The following SPAG16 variants were observed in gnomAD, a reference collection of about 807,000 sequenced individuals.
SPAG16 encodes the protein sperm associated antigen 16, also known as sperm-associated antigen 16 protein.
A neutral mutation model predicts 80.4 loss-of-function variants in SPAG16; 86 were observed. The ratio of observed to expected loss-of-function variants is 1.07; its 90% confidence interval spans 0.90 to 1.28. The LOEUF is 1.28. Ranked by LOEUF, SPAG16 falls within the 50% of genes most tolerant of loss-of-function variation. The pLI is 0.00. For missense variants in SPAG16, 870 were observed against 765.3 expected (o/e 1.14, Z -1.61); for synonymous variants, 294 against 265.9 (o/e 1.11, Z -1.03).
chr2:213,408,180 A>G (rs980385757), intron 9 of SPAG16, among the ~76,000 whole-genome samples: 3 of 152,242 alleles, frequency 2.0e-5, no homozygotes, highest in African/African-American at 2.4e-5. Flanking sequence ...TTTAAAACCT[A>G]TAATTGATAA....
chr2:213,355,328 G>T (rs1386123710), intron 7 of SPAG16, among the ~76,000 whole-genome samples: 2 of 152,066 alleles, frequency 1.3e-5, no homozygotes. Context: ...TTTTGCTTAG[G>T]ATTGTCTTGG....
At chr2:213,317,818 A>C (rs779081919) in intron 5 of SPAG16, 49 of 777,274 alleles carry the variant, frequency 6.3e-5, no homozygotes, top group Non-Finnish European at 7.2e-5. Context: ...TAGGTTCGTC[A>C]GTTGTTAACA....
chr2:214,250,757 T>TAGAGAGAGAGAGAGAG (rs1171199832), intron 15 of SPAG16, among the ~76,000 whole-genome samples: 1 of 91,280 alleles, frequency 1.1e-5, no homozygotes, highest in African/African-American at 4.1e-5. Context: ...TATATATATA[T>TAGAGAGAGAGAGAGAG]AGAGAGAGAG....
intron 5 of SPAG16, among the ~76,000 whole-genome samples, chr2:213,319,724 A>G (rs991593751): frequency 2.6e-5 from 4 of 151,994 alleles, no homozygotes; most frequent in South Asian, 4.1e-4. Flanking sequence ...TCTTTATGCC[A>G]TAAGTTTAGC....
chr2:213,404,026 A>T (rs1254202530), intron 9 of SPAG16, among the ~76,000 whole-genome samples: 3 of 152,102 alleles, frequency 2.0e-5, no homozygotes, highest in African/African-American at 7.2e-5. Flanking sequence ...CTTCAAGGAG[A>T]ACTAAAAACC....
chr2:213,977,565 A>G (rs6735162), intron 12 of SPAG16, among the ~76,000 whole-genome samples: 38,505 of 151,740 alleles, frequency 0.25, 6,943 homozygotes, highest in African/African-American at 0.52. Context: ...CCAACTAGGC[A>G]AATATTGGCA....
chr2:214,201,116 A>T (rs2057996553), intron 15 of SPAG16, among the ~76,000 whole-genome samples: 1 of 152,192 alleles, frequency 6.6e-6, no homozygotes, highest in African/African-American at 2.4e-5. Flanking sequence ...AGCAAAAATA[A>T]CTGTAAATGT....
chr2:213,410,685 A>ATATTTGATCCAT (rs1252163027), intron 9 of SPAG16, among the ~76,000 whole-genome samples: 2 of 152,250 alleles, frequency 1.3e-5, no homozygotes, highest in East Asian at 3.8e-4. Flanking sequence ...CCTAGTTGGA[A>ATATTTGATCCAT]TGGATCAAAT....
intron 10 of SPAG16, among the ~76,000 whole-genome samples, chr2:213,672,218 C>A: frequency 6.6e-6 from 1 of 151,534 alleles, no homozygotes. Context: ...TTTCCAGGGG[C>A]CTAGTACTAT....
chr2:213,836,294 T>C (rs913071070), intron 10 of SPAG16, among the ~76,000 whole-genome samples: 1 of 151,658 alleles, frequency 6.6e-6, no homozygotes, highest in African/African-American at 2.4e-5. Flanking sequence ...TATGTTAAAC[T>C]AAAAGGAAAA....
intron 11 of SPAG16, among the ~76,000 whole-genome samples, chr2:213,907,468 G>T (rs375037976): frequency 9.0e-6 from 1 of 110,704 alleles, no homozygotes; most frequent in African/African-American, 2.7e-5. Flanking sequence ...ACAGCGTGGA[G>T]GTTTCTCAAA....
At chr2:213,649,113 C>A (rs1279461429) in intron 10 of SPAG16, among the ~76,000 whole-genome samples, 1 of 151,972 alleles carries the variant, frequency 6.6e-6, no homozygotes, top group Non-Finnish European at 1.5e-5. Flanking sequence ...TCTTTCCATA[C>A]TGAGAAAAAA....
In SPAG16 at chr2:213,731,454, C is replaced by T. The variant is rs527429311; in HGVS notation, c.1071-131031C>T. Among the ~76,000 whole-genome samples, 4 of 119,960 alleles carry T rather than the reference C, an allele frequency of 3.3e-5. No individual in the cohort carries two copies. In the South Asian group the frequency reaches 1.3e-3, roughly 40 times the overall value. The allele number at this position is 119,960 out of a possible 152,430, so 78.7% of individuals were successfully genotyped here. On this transcript the variant is annotated intron_variant, in intron 10 of 15. Transcript: ENST00000331683. ...GGATTACAGGCGTGAGCCACCATGT[C>T]CAGCTGTTTTTTTTTTTTTTTTTCT...
chr2:214,042,541 G>T (rs1281806816), intron 13 of SPAG16, among the ~76,000 whole-genome samples: 1 of 151,860 alleles, frequency 6.6e-6, no homozygotes, highest in Non-Finnish European at 1.5e-5. Context: ...TTCTTTATTT[G>T]TTTTCCCCCT....
chr2:214,310,242 A>G (rs951100224), intron 15 of SPAG16, among the ~76,000 whole-genome samples: 1 of 150,412 alleles, frequency 6.6e-6, no homozygotes, highest in Non-Finnish European at 1.5e-5. Context: ...GTGTGACTGT[A>G]GTACATATTT....
intron 12 of SPAG16, among the ~76,000 whole-genome samples, chr2:213,967,631 A>T (rs1299301793): frequency 6.6e-6 from 1 of 152,196 alleles, no homozygotes; most frequent in Non-Finnish European, 1.5e-5. Context: ...AATAACTAAG[A>T]TGAAAATTAT....
intron 10 of SPAG16, among the ~76,000 whole-genome samples, chr2:213,509,456 G>A (rs1049031463): frequency 1.3e-5 from 2 of 152,104 alleles, no homozygotes; most frequent in African/African-American, 4.8e-5. Flanking sequence ...GAAATAAGCA[G>A]TTTTATTTAT....
At chr2:213,770,184 G>A (rs1202567068) in intron 10 of SPAG16, among the ~76,000 whole-genome samples, 1 of 152,040 alleles carries the variant, frequency 6.6e-6, no homozygotes, top group Admixed American at 6.6e-5. Flanking sequence ...CCAGCTTGGG[G>A]CTATTAGGAA....
chr2:213,492,144 C>T (rs940424382), intron 10 of SPAG16, among the ~76,000 whole-genome samples: 9 of 152,254 alleles, frequency 5.9e-5, no homozygotes, highest in African/African-American at 1.2e-4. Context: ...GTTTATTCTG[C>T]GACTTCTTTC....
Sources: allele counts gnomAD v4.1 joint callset (sites outside exome capture counted in the v4.1 genomes callset), GRCh38; gene constraint gnomAD v4.1.1; transcripts MANE v1.5; gene names NCBI Gene and HGNC (gene_info 2026-07-23, HGNC 2026-07-21).